The following MAPK4 variants were observed in gnomAD, a reference collection of about 807,000 sequenced individuals.
The protein encoded by MAPK4 is mitogen-activated protein kinase 4.
A neutral mutation model predicts 47.7 loss-of-function variants in MAPK4; 22 were observed. The observed-to-expected ratio is 0.46, with a 90% confidence interval of 0.33 to 0.66. The LOEUF is 0.66. MAPK4 is among the 30% of genes least tolerant of loss of function. MAPK4 has a pLI of 0.02. For missense variants in MAPK4, 736 were observed against 831.7 expected, an observed-to-expected ratio of 0.88 and a Z score of 1.42; for synonymous variants, 390 against 365.7, an observed-to-expected ratio of 1.07 and a Z score of -0.76.
chr18:50,704,307 C>T (rs1398281317), intron 2 of MAPK4, among the ~76,000 whole-genome samples: 3 of 152,058 alleles, frequency 2.0e-5, no homozygotes, highest in East Asian at 1.9e-4. Flanking sequence ...CTCAGGAGTT[C>T]GAGACCAACT....
chr18:50,640,196 A>G (rs935077884), intron 1 of MAPK4, among the ~76,000 whole-genome samples: 14 of 152,204 alleles, frequency 9.2e-5, no homozygotes, highest in Non-Finnish European at 1.6e-4. Flanking sequence ...CTTCCTGTCA[A>G]CAATGAAGCA....
chr18:50,623,618 C>T (rs940541374), intron 1 of MAPK4, among the ~76,000 whole-genome samples: 14 of 152,196 alleles, frequency 9.2e-5, no homozygotes, highest in African/African-American at 3.4e-4. Context: ...CAGGTGGCCT[C>T]CTTACTGTCT....
At chr18:50,592,224 A>G (rs1308338082) in intron 1 of MAPK4, among the ~76,000 whole-genome samples, 1 of 152,184 alleles carries the variant, frequency 6.6e-6, no homozygotes, top group Non-Finnish European at 1.5e-5. Context: ...CAGCCAGAAG[A>G]GGGTTCAAGG....
chr18:50,567,234 T>C (rs2042206669), intron 1 of MAPK4, among the ~76,000 whole-genome samples: 1 of 152,138 alleles, frequency 6.6e-6, no homozygotes, highest in African/African-American at 2.4e-5. Flanking sequence ...ATGCTATCCC[T>C]CCCCTAACCC....
At chr18:50,587,957 T>C (rs563029582) in intron 1 of MAPK4, among the ~76,000 whole-genome samples, 2 of 152,054 alleles carry the variant, frequency 1.3e-5, no homozygotes, top group African/African-American at 2.4e-5. Flanking sequence ...TCTTGAACTC[T>C]TGACCTCACG....
intron 3 of MAPK4, among the ~76,000 whole-genome samples, chr18:50,720,859 G>A (rs1281856663): frequency 2.0e-5 from 3 of 152,150 alleles, no homozygotes; most frequent in South Asian, 2.1e-4. Context: ...GCACTTCTTC[G>A]GTCAGTATTC....
chr18:50,640,186 C>T (rs893316), intron 1 of MAPK4, among the ~76,000 whole-genome samples: 120,807 of 152,122 alleles, frequency 0.79, 48,012 homozygotes, highest in East Asian at 0.87. Flanking sequence ...AGAAGAGTCC[C>T]TTCCTGTCAA....
chr18:50,683,919 G>A (rs11664819), intron 2 of MAPK4, among the ~76,000 whole-genome samples: 27,105 of 151,958 alleles, frequency 0.18, 2,647 homozygotes, highest in East Asian at 0.35. Context: ...CCCTTAAGGC[G>A]TCTGATCACC....
intron 1 of MAPK4, among the ~76,000 whole-genome samples, chr18:50,630,896 G>C (rs970277084): frequency 1.3e-5 from 2 of 152,186 alleles, no homozygotes; most frequent in African/African-American, 4.8e-5. Flanking sequence ...CCACAGACAG[G>C]TACCAAATGC....
At chr18:50,627,590 C>A (rs190498312) in intron 1 of MAPK4, among the ~76,000 whole-genome samples, 5 of 152,316 alleles carry the variant, frequency 3.3e-5, no homozygotes, top group African/African-American at 9.6e-5. Flanking sequence ...TTATAAGGAC[C>A]CCTTGCCTGC....
chr18:50,615,086 G>A (rs2042672182), intron 1 of MAPK4, among the ~76,000 whole-genome samples: 1 of 152,182 alleles, frequency 6.6e-6, no homozygotes, highest in African/African-American at 2.4e-5. Flanking sequence ...TTTCCCTGAA[G>A]GCTGAACATT....
rs183099241 is a variant in MAPK4 at position 50,665,791 on chromosome 18, G to A, written c.546+1287G>A. 3.9e-5 allele frequency among the ~76,000 whole-genome samples: 6 copies of A among 152,254 alleles called. No individual in the cohort carries two copies. The East Asian group carries it at 1.2e-3, about 30-fold the overall frequency. On this transcript the variant is annotated intron_variant, in intron 2 of 5. Transcript: ENST00000400384. ...ACTTAGTGACCTTAACCATGAGCCT[G>A]CCCTCTGCCCCACTCCTGCAGCCAA...
intron 1 of MAPK4, among the ~76,000 whole-genome samples, chr18:50,563,094 T>C (rs923206741): frequency 1.3e-5 from 2 of 152,226 alleles, no homozygotes; most frequent in African/African-American, 4.8e-5. Context: ...AGGATTTTTG[T>C]TGTGAACTTG....
intron 2 of MAPK4, among the ~76,000 whole-genome samples, chr18:50,698,341 TA>T (rs1206495428): frequency 6.6e-6 from 1 of 152,228 alleles, no homozygotes; most frequent in Non-Finnish European, 1.5e-5. Flanking sequence ...AATATTCATT[TA>T]TTAAGTAAAT....
chr18:50,721,810 C>A, intron 3 of MAPK4, 128 bp from the exon 4 acceptor site: 1 of 819,550 alleles, frequency 1.2e-6, no homozygotes, highest in Non-Finnish European at 1.9e-6. Flanking sequence ...ACCAGAACCC[C>A]GGTCCCAGCC....
chr18:50,677,964 C>T (rs1321703691), intron 2 of MAPK4, among the ~76,000 whole-genome samples: 1 of 152,088 alleles, frequency 6.6e-6, no homozygotes. Flanking sequence ...GGGTTCCATG[C>T]CCCCGGGAAA....
intron 5 of MAPK4, 71 bp downstream of exon 5, chr18:50,726,246 C>A: frequency 7.0e-7 from 1 of 1,431,300 alleles, no homozygotes; most frequent in Non-Finnish European, 9.7e-7. Context: ...TCTAATCCTC[C>A]GTGACCTTCC....
chr18:50,622,125 G>C (rs2042737602), intron 1 of MAPK4, among the ~76,000 whole-genome samples: 1 of 152,212 alleles, frequency 6.6e-6, no homozygotes, highest in Admixed American at 6.5e-5. Flanking sequence ...AAGTGGGTCA[G>C]ACAGGCAGAG....
intron 1 of MAPK4, among the ~76,000 whole-genome samples, chr18:50,579,633 G>T (rs2042326463): frequency 6.6e-6 from 1 of 152,184 alleles, no homozygotes; most frequent in South Asian, 2.1e-4. Flanking sequence ...CCAGCCACCT[G>T]CTGGCAGCTA....
Sources: allele counts gnomAD v4.1 joint callset (sites outside exome capture counted in the v4.1 genomes callset), GRCh38; gene constraint gnomAD v4.1.1; transcripts MANE v1.5; gene names NCBI Gene and HGNC (gene_info 2026-07-23, HGNC 2026-07-21).